The following NHLRC2 variants were observed in gnomAD, a reference collection of about 807,000 sequenced individuals.
NHLRC2 encodes the protein NHL repeat containing 2.
NHLRC2 carries 33 observed loss-of-function variants against 68.1 expected under a neutral mutation model. The ratio of observed to expected loss-of-function variants is 0.48; its 90% confidence interval spans 0.37 to 0.65. NHLRC2 has a LOEUF of 0.65. Ranked by LOEUF, NHLRC2 falls within the 30% of genes least tolerant of loss-of-function variation. The pLI is 0.00. For missense variants in NHLRC2, 761 were observed against 853.8 expected (o/e 0.89, Z 1.35); for synonymous variants, 311 against 309.6 (o/e 1.00, Z -0.05).
chr10:113,892,499 A>T (rs1381337550), intron 5 of NHLRC2, among the ~76,000 whole-genome samples: 2 of 152,110 alleles, frequency 1.3e-5, no homozygotes, highest in Non-Finnish European at 2.9e-5. Flanking sequence ...AATGTTCATG[A>T]TTACCACATT....
Position 113,887,630 on chromosome 10 carries a change from G to A in NHLRC2, c.1039+3250G>A, listed in dbSNP as rs150355261. 5.9e-5 allele frequency among the ~76,000 whole-genome samples: 9 copies of A among 152,202 alleles called. No homozygotes were observed. The East Asian group carries it at 9.7e-4, about 16-fold the overall frequency. On this transcript the variant is annotated intron_variant, in intron 5 of 10. Transcript: ENST00000369301. ...ACAAGAATACAAAAATTAGCTGGGC[G>A]TGATAGTAGATGCCTGTAAAAATCC...
In NHLRC2 at chr10:113,908,669, A is replaced by G; in HGVS notation, c.*133A>G. ...GCCCATTGCTCAGTTCAGACAACTG[A>G]TATTAAAATAAAGCTATGCTCCTTA... On this transcript the variant is annotated 3_prime_UTR_variant, in exon 11 of 11. Coordinates refer to ENST00000369301, the MANE Select transcript of NHLRC2 (RefSeq NM_198514.4). 5.3e-6 allele frequency: 4 copies of G among 750,774 alleles called. No homozygotes were observed. The highest frequency in any genetic ancestry group is 8.6e-6 in the Non-Finnish European group (4 of 467,798). 46.5% of individuals were successfully genotyped at this position (750,774 alleles called of 1,614,324 possible).
At chr10:113,896,500 ACT>A (rs1388299448) in intron 5 of NHLRC2, among the ~76,000 whole-genome samples, 3 of 112,360 alleles carry the variant, frequency 2.7e-5, no homozygotes, top group South Asian at 3.3e-4. Flanking sequence ...GGAACATAAC[ACT>A]CTGGGGACTG....
chr10:113,886,636 G>T (rs1846085331), intron 5 of NHLRC2, among the ~76,000 whole-genome samples: 1 of 152,106 alleles, frequency 6.6e-6, no homozygotes, highest in Non-Finnish European at 1.5e-5. Flanking sequence ...AATGAGGAAA[G>T]GACAATTCGT....
Position 113,903,548 on chromosome 10 carries a change from A to G in NHLRC2, c.1516A>G (p.Thr506Ala). The change falls in exon 9 of 11, where the codon ACA becomes GCA. Residue 506 changes from threonine to alanine, a missense_variant. Transcript: ENST00000369301. Reference sequence around the variant, plus strand: ...TTAGATTAAAGTTGTGGATCCAAAAACAAAAAACTGTACAACATTAGCAGG... The same window carrying G: ...TTAGATTAAAGTTGTGGATCCAAAAGCAAAAAACTGTACAACATTAGCAGG... The part of the protein sequence containing the change: ...NHKIKVVDPK[T>A]KNCTTLAGTG... 1.9e-6 allele frequency: 3 copies of G among 1,603,934 alleles called. No individual in the cohort carries two copies. The highest frequency in any genetic ancestry group is 2.5e-6 in the Non-Finnish European group (3 of 1,176,480).
At chr10:113,902,139 G>A (rs1281794493) in intron 7 of NHLRC2, among the ~76,000 whole-genome samples, 1 of 152,156 alleles carries the variant, frequency 6.6e-6, no homozygotes, top group Non-Finnish European at 1.5e-5. Context: ...AAGAAAGGAT[G>A]AAGCATTGAT....
rs1170046710 is a variant in NHLRC2, at chr10:113,915,211, G to A, written c.*6675G>A. On this transcript the variant is annotated 3_prime_UTR_variant, in exon 11 of 11. Coordinates refer to ENST00000369301, the MANE Select transcript of NHLRC2 (RefSeq NM_198514.4). ...CAAAGGACATTTTGTTCTGTTGAAA[G>A]CCACAGGACCAAAAGGAAAATATTG... The A allele has an allele frequency of 2.2e-6, 1 of 456,300 alleles. No homozygotes were observed. Among genetic ancestry groups the A allele is most frequent in the Non-Finnish European group, 4.4e-6 (1 of 226,970 alleles). The allele number at this position is 456,300 out of a possible 1,614,324, so 28.3% of individuals were successfully genotyped here. A position where few individuals can be genotyped will look rare whatever the true frequency, so the allele number is the denominator to read the frequency against.
chr10:113,871,590 T>G (rs1845926012), intron 2 of NHLRC2, among the ~76,000 whole-genome samples: 2 of 152,204 alleles, frequency 1.3e-5, no homozygotes, highest in Admixed American at 1.3e-4. Flanking sequence ...TATACTGTAC[T>G]TCTGTTTTTA....
chr10:113,898,304 A>T (rs543249187), intron 6 of NHLRC2, 95 bp downstream of exon 6: 2 of 761,830 alleles, frequency 2.6e-6, no homozygotes, highest in Non-Finnish European at 4.5e-6. Flanking sequence ...ACCAGTCAGG[A>T]TGTGCTAGGT....
rs1846372588 is a variant in NHLRC2 at position 113,915,283 on chromosome 10, C to T, written c.*6747C>T. On this transcript the variant is annotated 3_prime_UTR_variant, in exon 11 of 11. Coordinates refer to ENST00000369301, the MANE Select transcript of NHLRC2 (RefSeq NM_198514.4). ...CCCTACCTGTACAAGCAGCCATATACTAAAAAGCACTAAACAAGCACAAAT... is the reference window on the plus strand; with the variant it reads ...CCCTACCTGTACAAGCAGCCATATATTAAAAAGCACTAAACAAGCACAAAT... The T allele has an allele frequency of 2.2e-6, 1 of 454,570 alleles. No individual in the cohort carries two copies. The highest frequency in any genetic ancestry group is 2.0e-5 in the African/African-American group (1 of 50,012). The allele number at this position is 454,570 out of a possible 1,614,324, so 28.2% of individuals were successfully genotyped here.
chr10:113,877,782 A>G (rs554902702), intron 3 of NHLRC2, among the ~76,000 whole-genome samples: 1 of 152,304 alleles, frequency 6.6e-6, no homozygotes, highest in East Asian at 1.9e-4. Context: ...AATATAAAAA[A>G]GCTAGTTGTG....
At chr10:113,860,462 A>C (rs1845804314) in intron 2 of NHLRC2, among the ~76,000 whole-genome samples, 1 of 152,174 alleles carries the variant, frequency 6.6e-6, no homozygotes, top group African/African-American at 2.4e-5. Context: ...GTGGAGCAAG[A>C]ATTCACTGTC....
At chr10:113,887,286 A>G (rs1305405023) in intron 5 of NHLRC2, among the ~76,000 whole-genome samples, 2 of 152,222 alleles carry the variant, frequency 1.3e-5, no homozygotes, top group African/African-American at 2.4e-5. Context: ...ATTTTGGAAA[A>G]TAGTATGGAG....
chr10:113,864,710 CCA>C (rs962965932), intron 2 of NHLRC2, among the ~76,000 whole-genome samples: 2 of 147,382 alleles, frequency 1.4e-5, no homozygotes, highest in Non-Finnish European at 1.5e-5. Flanking sequence ...AAAAAAAAAA[CCA>C]CACACACACA....
At chr10:113,866,104 A>G (rs1452349540) in intron 2 of NHLRC2, among the ~76,000 whole-genome samples, 1 of 152,240 alleles carries the variant, frequency 6.6e-6, no homozygotes, top group Non-Finnish European at 1.5e-5. Flanking sequence ...TTTCATAATC[A>G]ACTTGCTTCC....
At chr10:113,862,481 AAAC>A (rs1359741935) in intron 2 of NHLRC2, among the ~76,000 whole-genome samples, 1 of 149,578 alleles carries the variant, frequency 6.7e-6, no homozygotes, top group Non-Finnish European at 1.5e-5. Flanking sequence ...AAAATCAACT[AAAC>A]AAAAAAAAAA....
intron 2 of NHLRC2, among the ~76,000 whole-genome samples, chr10:113,871,777 T>C (rs1845928384): frequency 6.6e-6 from 1 of 152,176 alleles, no homozygotes; most frequent in African/African-American, 2.4e-5. Context: ...GTCCCTCCCC[T>C]CTGTTCCAAA....
Position 113,914,582 on chromosome 10 carries a change from G to A in NHLRC2, c.*6046G>A, listed in dbSNP as rs1846363760. The A allele has an allele frequency of 4.9e-6, 1 of 202,044 alleles. No homozygotes were observed. Among genetic ancestry groups the A allele is most frequent in the South Asian group, 8.7e-5 (1 of 11,516 alleles). The allele number at this position is 202,044 out of a possible 1,614,324, so 12.5% of individuals were successfully genotyped here. On this transcript the variant is annotated 3_prime_UTR_variant, in exon 11 of 11. Transcript: ENST00000369301. ...TTTTCATTCTTAGTGTGCTAATTAA[G>A]TAGTAGTATGGTGCAGTAAGGAATT...
chr10:113,882,234 G>C (rs1326890609), intron 4 of NHLRC2, among the ~76,000 whole-genome samples: 1 of 151,778 alleles, frequency 6.6e-6, no homozygotes, highest in African/African-American at 2.4e-5. Flanking sequence ...AATTGGTATT[G>C]TAGAGTTATA....
Sources: allele counts gnomAD v4.1 joint callset (sites outside exome capture counted in the v4.1 genomes callset), GRCh38; gene constraint gnomAD v4.1.1; transcripts MANE v1.5; gene names NCBI Gene and HGNC (gene_info 2026-07-23, HGNC 2026-07-21).